Variants in CSNK2A1 observed in about 807,000 individuals in gnomAD.
CSNK2A1 encodes casein kinase II subunit alpha.
Under a neutral mutation model 62.9 loss-of-function variants are expected in CSNK2A1, and 10 were observed. The observed-to-expected ratio is 0.16, with a 90% CI of 0.10 to 0.27. The LOEUF is 0.27. Among genes scored for constraint, CSNK2A1 ranks in the 10% least tolerant of loss-of-function variants. The pLI, the probability that CSNK2A1 is intolerant of heterozygous loss-of-function variation, is 1.00. For missense variants in CSNK2A1, 160 were observed against 492.0 expected (o/e 0.33, Z 6.38); for synonymous variants, 124 against 167.8 (o/e 0.74, Z 2.02).
rs2018373567 is a variant in CSNK2A1 at position 497,716 on chromosome 20, C to A, written c.426+5G>T. 6.2e-7 allele frequency: 1 copy of A among 1,606,242 alleles called. No homozygotes were observed. On this transcript the variant is annotated splice_donor_5th_base_variant and intron_variant, in intron 7 of 13. Coordinates refer to ENST00000217244, the MANE Select transcript of CSNK2A1 (RefSeq NM_177559.3). The stretch of plus-strand genomic sequence containing the variant: ...AAAAATATTTAGTATTCAAGGTTCA[C>A]TTACCTTCAGAATCTCATACATGTA...
rs1436781015 is a variant in CSNK2A1, at chr20:479,645, A to T, written c.*4316T>A. ...TGCAGTAACATTACATTGCTTCTCT[A>T]ATGGTTAAATTTAGCACAGAATCAA... On this transcript the variant is annotated 3_prime_UTR_variant, in exon 14 of 14. Transcript: ENST00000217244. 1 of 152,234 alleles carries T rather than the reference A, an allele frequency of 6.6e-6. No individual in the cohort carries two copies. Among genetic ancestry groups the T allele is most frequent in the Non-Finnish European group, 1.5e-5 (1 of 68,032 alleles). The allele number at this position is 152,234 out of a possible 1,614,324, so 9.4% of individuals were successfully genotyped here. A position where few individuals can be genotyped will look rare whatever the true frequency, so the allele number is the denominator to read the frequency against.
At chr20:523,337 A>G (rs965770740) in intron 2 of CSNK2A1, among the ~76,000 whole-genome samples, 6 of 152,206 alleles carry the variant, frequency 3.9e-5, no homozygotes, top group Admixed American at 2.6e-4. Flanking sequence ...AGGTCCACAA[A>G]AGCCTATAAT....
chr20:543,621 C>T (rs1019324301), intron 1 of CSNK2A1, 51 bp downstream of exon 1: 1 of 397,466 alleles, frequency 2.5e-6, no homozygotes, highest in African/African-American at 2.1e-5. Context: ...GCTGCCCTAT[C>T]CTGGGCCCAC....
chr20:475,870 C>A lies in CSNK2A1; in HGVS notation c.*8091G>T, dbSNP rs777245893. On this transcript the variant is annotated 3_prime_UTR_variant, in exon 14 of 14. Transcript: ENST00000217244. The stretch of plus-strand genomic sequence containing the variant: ...TCTGCCACATTGGGCAAACCTGAAT[C>A]CAATTCACATGGAGGTGTCCAGCCC... 6.6e-6 allele frequency: 1 copy of A among 152,228 alleles called. No individual in the cohort carries two copies. The allele number at this position is 152,228 out of a possible 1,614,324, so 9.4% of individuals were successfully genotyped here. A position where few individuals can be genotyped will look rare whatever the true frequency, so the allele number is the denominator to read the frequency against.
At chr20:507,508 T>C (rs541656074) in intron 3 of CSNK2A1, 1 of 152,152 alleles carries the variant, frequency 6.6e-6, no homozygotes, top group South Asian at 2.1e-4. Context: ...GGACAGGAAA[T>C]GCAAACATCC....
chr20:531,043 C>T (rs1010599283), intron 1 of CSNK2A1, among the ~76,000 whole-genome samples: 1 of 152,056 alleles, frequency 6.6e-6, no homozygotes, highest in Admixed American at 6.5e-5. Flanking sequence ...GAGATCGCGC[C>T]ATTGCACTCC....
chr20:518,985 G>A (rs2018888761), intron 2 of CSNK2A1, among the ~76,000 whole-genome samples: 1 of 142,680 alleles, frequency 7.0e-6, no homozygotes, highest in Non-Finnish European at 1.5e-5. Context: ...ACCCAGGTTA[G>A]AGTGCAGTGG....
At chr20:533,012 T>C (rs1209688406) in intron 1 of CSNK2A1, among the ~76,000 whole-genome samples, 8 of 152,228 alleles carry the variant, frequency 5.3e-5, no homozygotes, top group African/African-American at 1.9e-4. Context: ...TCTTTTCCCA[T>C]GTCAATTTAA....
chr20:475,837 C>G lies in CSNK2A1; in HGVS notation c.*8124G>C, dbSNP rs910558697. On this transcript the variant is annotated 3_prime_UTR_variant, in exon 14 of 14. Coordinates refer to ENST00000217244, the MANE Select transcript of CSNK2A1 (RefSeq NM_177559.3). ...GAGAAGAGCACGCCCTGAGTAGCTG[C>G]TGCAACTTCTGCCACATTGGGCAAA... is the stretch of plus-strand genomic sequence containing the variant. The G allele has an allele frequency of 1.3e-5, 2 of 152,178 alleles. No homozygotes were observed. The highest frequency in any genetic ancestry group is 2.9e-5 in the Non-Finnish European group (2 of 68,056). 9.4% of individuals were successfully genotyped at this position (152,178 alleles called of 1,614,324 possible).
chr20:495,701 G>C lies in CSNK2A1; in HGVS notation c.510+18C>G. ...TACATCATGTAGATAAATAACACTT[G>C]TCAGCCTATCACTTTACCTTTCTGT... is the stretch of plus-strand genomic sequence containing the variant. On this transcript the variant is annotated intron_variant, in intron 8 of 13. Coordinates refer to ENST00000217244, the MANE Select transcript of CSNK2A1 (RefSeq NM_177559.3). 1.2e-6 allele frequency: 2 copies of C among 1,607,786 alleles called. No individual in the cohort carries two copies. Among genetic ancestry groups the C allele is most frequent in the Non-Finnish European group, 1.7e-6 (2 of 1,174,284 alleles).
chr20:490,967 A>G (rs1324960006), intron 9 of CSNK2A1, among the ~76,000 whole-genome samples: 1 of 151,078 alleles, frequency 6.6e-6, no homozygotes, highest in Non-Finnish European at 1.5e-5. Flanking sequence ...GTATTTTATT[A>G]CATAAATGTT....
At chr20:497,803 C>T (rs553885063) in intron 6 of CSNK2A1, 23 bp from the exon 7 acceptor site, 2 of 1,606,622 alleles carry the variant, frequency 1.2e-6, no homozygotes, top group Non-Finnish European at 1.7e-6. Context: ...AATGTTTGAG[C>T]CATGAAATAA....
Position 509,943 on chromosome 20 carries a change from G to A in CSNK2A1, c.-109-1283C>T, listed in dbSNP as rs114156293. ...GAAGTGTCTATTTAAAAAGGGGGAA[G>A]GGGTACTATACTTCTAAAACATGTC... On this transcript the variant is annotated intron_variant, in intron 2 of 13. Coordinates refer to ENST00000217244, the MANE Select transcript of CSNK2A1 (RefSeq NM_177559.3). 3.2e-3 allele frequency among the ~76,000 whole-genome samples: 485 copies of A among 152,288 alleles called. 3 individuals are homozygous for A. Among genetic ancestry groups the A allele is most frequent in the African/African-American group, 0.011 (451 of 41,560 alleles).
At chr20:510,682 A>C (rs2018701095) in intron 2 of CSNK2A1, among the ~76,000 whole-genome samples, 1 of 152,218 alleles carries the variant, frequency 6.6e-6, no homozygotes, top group Non-Finnish European at 1.5e-5. Flanking sequence ...TAAAGGGAAT[A>C]GAGATGCCCT....
At chr20:522,895 C>CA (rs1317562684) in intron 2 of CSNK2A1, among the ~76,000 whole-genome samples, 2 of 152,062 alleles carry the variant, frequency 1.3e-5, no homozygotes, top group South Asian at 2.1e-4. Flanking sequence ...AGGTTGGTCT[C>CA]AAACGCCTGG....
chr20:491,749 C>T (rs1007458390), intron 9 of CSNK2A1, among the ~76,000 whole-genome samples: 4 of 152,000 alleles, frequency 2.6e-5, no homozygotes, highest in Non-Finnish European at 4.4e-5. Context: ...CAGTGAAACC[C>T]AGTCTCTACT....
At chr20:509,076 C>T (rs1008401993) in intron 2 of CSNK2A1, among the ~76,000 whole-genome samples, 11 of 152,150 alleles carry the variant, frequency 7.2e-5, no homozygotes, top group Admixed American at 6.5e-4. Flanking sequence ...TCTAGAATGG[C>T]GGCAAAGCTA....
intron 2 of CSNK2A1, among the ~76,000 whole-genome samples, chr20:518,952 T>G (rs1166572670): frequency 1.3e-5 from 2 of 148,742 alleles, no homozygotes; most frequent in Non-Finnish European, 3.0e-5. Context: ...TTTTTTTTTT[T>G]TGCCACAAAG....
At chr20:502,144 A>G (rs1037650544) in intron 4 of CSNK2A1, 3 of 152,238 alleles carry the variant, frequency 2.0e-5, no homozygotes, top group Middle Eastern at 3.2e-3. Context: ...AACAGGTCCA[A>G]TGCAAAGTGG....
Sources: gnomAD v4.1 joint callset for allele counts (sites outside exome capture counted in the v4.1 genomes callset) on GRCh38, gnomAD v4.1.1 for gene constraint, MANE v1.5 for transcripts, NCBI Gene and HGNC (gene_info 2026-07-23, HGNC 2026-07-21) for gene names.